The following FER1L6 variants were observed in gnomAD, a reference collection of about 807,000 sequenced individuals.
FER1L6 encodes fer-1 like family member 6.
In FER1L6, 177 loss-of-function variants were observed where a neutral mutation model predicts 219.2. The observed-to-expected ratio is 0.81, with a 90% CI of 0.71 to 0.91. FER1L6 has a LOEUF of 0.91. Among genes scored for constraint, FER1L6 ranks in the 40% least tolerant of loss-of-function variants. The probability of loss-of-function intolerance (pLI) is 0.00; values close to 1 mark genes in which losing one functional copy is unlikely to be tolerated. For synonymous variants in FER1L6, 768 were observed against 824.3 expected (o/e 0.93, Z 1.17); for missense variants, 2,153 against 2,259.9 (o/e 0.95, Z 0.96).
In FER1L6 at chr8:124,061,999, A is replaced by G; in HGVS notation, c.3295A>G (p.Ile1099Val). 6.2e-7 allele frequency: 1 copy of G among 1,614,148 alleles called. No homozygotes were observed. The highest frequency in any genetic ancestry group is 1.3e-5 in the African/African-American group (1 of 75,062). ...TAAACTCAGAGAGCCCCTTGCCCCCATCACACAGGTGGATGGAACCCAGCC... is the reference window on the plus strand; with the variant it reads ...TAAACTCAGAGAGCCCCTTGCCCCCGTCACACAGGTGGATGGAACCCAGCC... ...LCKLREPLAPITQVDGTQPGH... is the reference protein window; with the variant it reads ...LCKLREPLAPVTQVDGTQPGH... Residue 1099 changes from isoleucine to valine, a missense_variant, in exon 25 of 41, where the codon ATC (isoleucine) becomes GTC (valine). Coordinates refer to ENST00000522917, the MANE Select transcript of FER1L6 (RefSeq NM_001039112.2).
intron 2 of FER1L6, among the ~76,000 whole-genome samples, chr8:123,959,361 G>A (rs747188809): frequency 3.9e-5 from 6 of 152,114 alleles, no homozygotes; most frequent in African/African-American, 1.2e-4. Flanking sequence ...CTTGAAACTC[G>A]ACAGCAAGGC....
chr8:123,856,269 T>TATGAG (rs1816641659), intron 1 of FER1L6, among the ~76,000 whole-genome samples: 3 of 137,362 alleles, frequency 2.2e-5, no homozygotes, highest in African/African-American at 8.1e-5. Context: ...TATATATGTG[T>TATGAG]ATATGTGTAT....
At chr8:123,896,717 A>G (rs11995161) in intron 1 of FER1L6, among the ~76,000 whole-genome samples, 4,117 of 152,264 alleles carry the variant, frequency 0.027, 177 homozygotes, top group African/African-American at 0.093. Context: ...CACATAAACC[A>G]TGTCTGTGGT....
chr8:124,023,623 G>T, intron 18 of FER1L6, 27 bp downstream of exon 18: 1 of 1,610,426 alleles, frequency 6.2e-7, no homozygotes, highest in East Asian at 2.2e-5. Flanking sequence ...TTAACTAAAA[G>T]AAGGGAGATT....
intron 15 of FER1L6, 83 bp downstream of exon 15, chr8:124,013,614 C>A: frequency 1.2e-6 from 1 of 831,544 alleles, no homozygotes. Context: ...TCGTCGATTT[C>A]ACATGCATTC....
chr8:123,872,869 C>T (rs544153927), intron 1 of FER1L6, among the ~76,000 whole-genome samples: 3 of 152,316 alleles, frequency 2.0e-5, no homozygotes, highest in Admixed American at 2.0e-4. Flanking sequence ...CTTCATATAA[C>T]TTCTGTCCTC....
chr8:123,992,729 TC>T (rs1173379239), intron 12 of FER1L6, among the ~76,000 whole-genome samples: 3 of 152,208 alleles, frequency 2.0e-5, no homozygotes, highest in African/African-American at 7.2e-5. Context: ...CTTTGTTATT[TC>T]TTTTCTTCTG....
Position 124,091,547 on chromosome 8 carries a change from T to TTGG in FER1L6, c.4517_4518insGGT (p.Phe1506delinsLeuVal). The TTGG allele has an allele frequency of 1.9e-6, 3 of 1,614,090 alleles. No homozygotes were observed. Among genetic ancestry groups the TTGG allele is most frequent in the East Asian group, 2.2e-5 (1 of 44,878 alleles). On this transcript the variant is annotated protein_altering_variant, in exon 34 of 41. Coordinates refer to ENST00000522917, the MANE Select transcript of FER1L6 (RefSeq NM_001039112.2). Reference sequence around the variant, plus strand: ...GAAAATACAGATAGGAAACCAAGTCTTTTCTGGAAAAACTATCTTCACTGA... The same window carrying TTGG: ...GAAAATACAGATAGGAAACCAAGTCTTGGTTTCTGGAAAAACTATCTTCACTGA...
intron 22 of FER1L6, among the ~76,000 whole-genome samples, chr8:124,051,050 A>G (rs1222410130): frequency 6.6e-6 from 1 of 152,202 alleles, no homozygotes; most frequent in Non-Finnish European, 1.5e-5. Context: ...AAACAGAATG[A>G]GTTAAGAATG....
intron 1 of FER1L6, among the ~76,000 whole-genome samples, chr8:123,919,525 A>C (rs1488900380): frequency 6.6e-6 from 1 of 152,330 alleles, no homozygotes; most frequent in Admixed American, 6.5e-5. Flanking sequence ...ACAGCACTGC[A>C]ATGGCTGGAG....
chr8:123,875,349 C>A (rs1816990150), intron 1 of FER1L6, among the ~76,000 whole-genome samples: 1 of 152,188 alleles, frequency 6.6e-6, no homozygotes. Context: ...TGATTTCACT[C>A]TTCAGTTTCT....
intron 1 of FER1L6, among the ~76,000 whole-genome samples, chr8:123,953,072 A>G (rs181102931): frequency 6.6e-6 from 1 of 152,252 alleles, no homozygotes; most frequent in East Asian, 1.9e-4. Context: ...CTACCTCCCA[A>G]TCTGCCAGTG....
chr8:124,097,757 G>A (rs763913852), intron 36 of FER1L6, 28 bp from the exon 37 acceptor site: 18 of 1,228,054 alleles, frequency 1.5e-5, no homozygotes, highest in African/African-American at 3.0e-5. Context: ...CAAGGTCATC[G>A]ACCTAATGCT....
rs541075704 is a variant in FER1L6 at position 123,901,362 on chromosome 8, G to A, written c.-8+49177G>A. Among the ~76,000 whole-genome samples, 28 of 152,100 alleles carry A rather than the reference G, an allele frequency of 1.8e-4. No homozygotes were observed. In the South Asian group the frequency reaches 5.0e-3, roughly 27 times the overall value. On this transcript the variant is annotated intron_variant, in intron 1 of 40. Coordinates refer to ENST00000522917, the MANE Select transcript of FER1L6 (RefSeq NM_001039112.2). ...TGTCAATTGTAATATCTTCTGTTTC[G>A]TTTCTTAGCGATGTTATTTGGATTT... is the stretch of plus-strand genomic sequence containing the variant.
At chr8:124,043,543 G>A (rs770613323) in intron 20 of FER1L6, among the ~76,000 whole-genome samples, 1 of 152,146 alleles carries the variant, frequency 6.6e-6, no homozygotes, top group Non-Finnish European at 1.5e-5. Context: ...CTTATCCTCT[G>A]GAAGGAATGT....
rs771545885 is a variant in FER1L6 at position 123,956,086 on chromosome 8, G to A, written c.76+12G>A. On this transcript the variant is annotated intron_variant, in intron 2 of 40. Transcript: ENST00000522917. ...CAAGGCTGCGAAAGGTGAGGCTGGG[G>A]GTGGGGTGCTGACCATTGGGGCCTG... 1.2e-6 allele frequency: 2 copies of A among 1,606,590 alleles called. No homozygotes were observed. The highest frequency in any genetic ancestry group is 1.3e-5 in the African/African-American group (1 of 74,862).
chr8:124,025,317 A>T (rs755400248), intron 18 of FER1L6, among the ~76,000 whole-genome samples: 19 of 152,168 alleles, frequency 1.2e-4, no homozygotes, highest in South Asian at 1.2e-3. Flanking sequence ...CAGGTCTCAG[A>T]TTTAAGTCTT....
chr8:124,006,925 C>G (rs1342115660), intron 13 of FER1L6, among the ~76,000 whole-genome samples: 1 of 152,212 alleles, frequency 6.6e-6, no homozygotes, highest in Non-Finnish European at 1.5e-5. Flanking sequence ...TGATCCAAAC[C>G]AAAGAAACCT....
At chr8:124,036,096 T>C (rs1819195261) in intron 19 of FER1L6, 1 of 152,244 alleles carries the variant, frequency 6.6e-6, no homozygotes, top group South Asian at 2.1e-4. Flanking sequence ...CTTCCATTTA[T>C]GTTATCTCTT....
Sources: gnomAD v4.1 joint callset for allele counts (sites outside exome capture counted in the v4.1 genomes callset) on GRCh38, gnomAD v4.1.1 for gene constraint, MANE v1.5 for transcripts, NCBI Gene and HGNC (gene_info 2026-07-23, HGNC 2026-07-21) for gene names.